RANBP2: variants seen among roughly 807,000 people sequenced by gnomAD.
RANBP2 encodes the protein RAN binding protein 2, also known as E3 SUMO-protein ligase RanBP2.
A neutral mutation model predicts 303.6 loss-of-function variants in RANBP2; 57 were observed. The ratio of observed to expected loss-of-function variants is 0.19; its 90% CI spans 0.15 to 0.23. RANBP2 has a LOEUF of 0.23. Ranked by LOEUF, RANBP2 falls within the 10% of genes least tolerant of loss-of-function variation. RANBP2 has a pLI of 1.00. For missense variants in RANBP2, 3,138 were observed against 3,780.8 expected (o/e 0.83, Z 4.46); for synonymous variants, 1,167 against 1,301.5 (o/e 0.90, Z 2.23).
chr2:109,716,199 T>A, the RANBP2 span, among the ~76,000 whole-genome samples: 2 of 152,126 alleles, frequency 1.3e-5, no homozygotes, highest in African/African-American at 4.8e-5. Context: ...ACTCAGTAAA[T>A]TAGCACTTTA....
chr2:109,018,409 A>G, the RANBP2 span, among the ~76,000 whole-genome samples: 1,153 of 152,268 alleles, frequency 7.6e-3, 13 homozygotes, highest in African/African-American at 0.026. Context: ...CCCCCAATCT[A>G]CACCCTACCC....
At chr2:108,817,773 T>C in the RANBP2 span, among the ~76,000 whole-genome samples, 1 of 152,224 alleles carries the variant, frequency 6.6e-6, no homozygotes, top group Non-Finnish European at 1.5e-5. Context: ...TTTGGCTGGC[T>C]GAGACCCATT....
At chr2:108,846,702 G>A in the RANBP2 span, 1 of 1,549,528 alleles carries the variant, frequency 6.5e-7, no homozygotes, top group East Asian at 2.2e-5. Flanking sequence ...TTCTGAACAT[G>A]AATAAATATA....
chr2:108,896,716 G>T, the RANBP2 span: 1 of 616,928 alleles, frequency 1.6e-6, no homozygotes, highest in Non-Finnish European at 2.8e-6. Context: ...AAGTATCCCG[G>T]CTCTAGTCCT....
At chr2:109,487,365 C>T in the RANBP2 span, among the ~76,000 whole-genome samples, 2 of 152,316 alleles carry the variant, frequency 1.3e-5, no homozygotes, top group Non-Finnish European at 2.9e-5. Context: ...GACCGTCTAC[C>T]TCCATATTCC....
the RANBP2 span, among the ~76,000 whole-genome samples, chr2:108,810,709 T>C: frequency 6.6e-6 from 1 of 152,234 alleles, no homozygotes; most frequent in Non-Finnish European, 1.5e-5. Flanking sequence ...CTTCAGTTTT[T>C]TGGGATAGTT....
At chr2:109,296,241 A>C in the RANBP2 span, among the ~76,000 whole-genome samples, 4,415 of 151,936 alleles carry the variant, frequency 0.029, 222 homozygotes, top group African/African-American at 0.1. Flanking sequence ...TATTATTATT[A>C]TTCGAGATGG....
the RANBP2 span, among the ~76,000 whole-genome samples, chr2:109,542,554 C>G: frequency 6.6e-6 from 1 of 152,184 alleles, no homozygotes; most frequent in African/African-American, 2.4e-5. Flanking sequence ...GCAGTGTCAT[C>G]GAGCCCATCT....
chr2:108,896,280 T>C, the RANBP2 span: 1 of 152,860 alleles, frequency 6.5e-6, no homozygotes, highest in Non-Finnish European at 1.5e-5. Flanking sequence ...TGAAACCACA[T>C]AGGGTATTAA....
the RANBP2 span, among the ~76,000 whole-genome samples, chr2:109,227,520 GGGCTCCCGGGTCT>G: frequency 6.6e-6 from 1 of 152,192 alleles, no homozygotes; most frequent in African/African-American, 2.4e-5. Context: ...TGCTTTGTGT[GGGCTCCCGGGTCT>G]GCCTGGGCCC....
chr2:109,178,701 G>A, the RANBP2 span, among the ~76,000 whole-genome samples: 1 of 152,128 alleles, frequency 6.6e-6, no homozygotes, highest in East Asian at 1.9e-4. Context: ...AAGTTCTTGT[G>A]TCGTTCACAT....
chr2:109,376,475 G>A, the RANBP2 span, among the ~76,000 whole-genome samples: 29 of 152,274 alleles, frequency 1.9e-4, 1 homozygote, highest in South Asian at 2.5e-3. Flanking sequence ...TAGCAAATAC[G>A]CCAGTGATTC....
the RANBP2 span, among the ~76,000 whole-genome samples, chr2:109,453,672 G>A: frequency 2.0e-5 from 3 of 152,192 alleles, no homozygotes; most frequent in South Asian, 4.1e-4. Context: ...GCAGGCACAC[G>A]GTTCATAATG....
the RANBP2 span, among the ~76,000 whole-genome samples, chr2:109,542,358 C>T: frequency 2.1e-3 from 322 of 152,308 alleles, 2 homozygotes; most frequent in Middle Eastern, 0.01. Flanking sequence ...TACAAAACGA[C>T]CGCCCTGCTG....
the RANBP2 span, among the ~76,000 whole-genome samples, chr2:108,832,340 CTTTCT>C: frequency 2.4e-3 from 334 of 137,380 alleles, no homozygotes; most frequent in African/African-American, 9.1e-3. Context: ...ATTTGTATTT[CTTTCT>C]TTTTTTTTTT....
At chr2:109,555,674 C>T in the RANBP2 span, among the ~76,000 whole-genome samples, 1 of 152,148 alleles carries the variant, frequency 6.6e-6, no homozygotes, top group Non-Finnish European at 1.5e-5. Context: ...CATCTGAAGC[C>T]TGTTAGCAAT....
At chr2:108,867,902 G>T in the RANBP2 span, among the ~76,000 whole-genome samples, 1 of 152,130 alleles carries the variant, frequency 6.6e-6, no homozygotes, top group Non-Finnish European at 1.5e-5. Context: ...TACTATCTGG[G>T]AGCTGAGGTG....
At chr2:109,423,741 A>G in the RANBP2 span, among the ~76,000 whole-genome samples, 1 of 152,028 alleles carries the variant, frequency 6.6e-6, no homozygotes, top group Non-Finnish European at 1.5e-5. Flanking sequence ...CCCCATGGTC[A>G]CCCCTTCCAG....
At chr2:109,555,230 A>C in the RANBP2 span, among the ~76,000 whole-genome samples, 5 of 152,284 alleles carry the variant, frequency 3.3e-5, no homozygotes, top group Middle Eastern at 6.8e-3. Flanking sequence ...GCACTCAAGA[A>C]ACTTTATAAT....
Sources: gnomAD v4.1 joint callset for allele counts (sites outside exome capture counted in the v4.1 genomes callset) on GRCh38, gnomAD v4.1.1 for gene constraint, MANE v1.5 for transcripts, NCBI Gene and HGNC (gene_info 2026-07-23, HGNC 2026-07-21) for gene names.